LYRM4: variants seen among roughly 807,000 people sequenced by gnomAD.
LYRM4 encodes the protein LYR motif-containing protein 4.
Under a neutral mutation model 11.7 loss-of-function variants are expected in LYRM4, and 9 were observed. The observed-to-expected ratio is 0.77, with a 90% CI of 0.46 to 1.34. LYRM4 has a LOEUF of 1.34. LYRM4 is among the 40% of genes most tolerant of loss of function. The pLI is 0.00. For synonymous variants in LYRM4, 42 were observed against 40.4 expected (o/e 1.04, Z -0.15); for missense variants, 133 against 112.5 (o/e 1.18, Z -0.82).
At chr6:5,260,614 C>T (rs1164099261) in intron 1 of LYRM4, 34 bp downstream of exon 1, 1 of 1,467,234 alleles carries the variant, frequency 6.8e-7, no homozygotes, top group Non-Finnish European at 9.1e-7. Context: ...GCCCCTGGCC[C>T]CCCGCCCCCG....
At chr6:5,250,618 T>C (rs757299295) in intron 1 of LYRM4, among the ~76,000 whole-genome samples, 20 of 152,232 alleles carry the variant, frequency 1.3e-4, no homozygotes, top group Non-Finnish European at 2.4e-4. Context: ...ATGAATCACC[T>C]CTAGTTGCCT....
chr6:5,121,360 G>GGGTTT (rs1208180347), intron 2 of LYRM4, among the ~76,000 whole-genome samples: 2 of 152,130 alleles, frequency 1.3e-5, no homozygotes, highest in Non-Finnish European at 2.9e-5. Context: ...TTTTATGCGT[G>GGGTTT]ATTTCTATCT....
chr6:5,232,391 C>T (rs530956343), intron 1 of LYRM4, among the ~76,000 whole-genome samples: 24 of 152,328 alleles, frequency 1.6e-4, no homozygotes, highest in Non-Finnish European at 3.2e-4. Flanking sequence ...AATTTCTGGA[C>T]ACTTACAGAG....
At chr6:5,122,461 G>T (rs1037980316) in intron 2 of LYRM4, among the ~76,000 whole-genome samples, 1 of 152,114 alleles carries the variant, frequency 6.6e-6, no homozygotes, top group African/African-American at 2.4e-5. Flanking sequence ...AGTCATACTT[G>T]TTTTTTTCTT....
intron 2 of LYRM4, among the ~76,000 whole-genome samples, chr6:5,140,856 G>A (rs774193071): frequency 1.3e-5 from 2 of 152,194 alleles, no homozygotes; most frequent in Non-Finnish European, 2.9e-5. Flanking sequence ...TAGACTGTGA[G>A]CAGTACTGCC....
chr6:5,073,907 ACTGG>A, the LYRM4 span, among the ~76,000 whole-genome samples: 1 of 152,172 alleles, frequency 6.6e-6, no homozygotes, highest in East Asian at 1.9e-4. Flanking sequence ...TTCTTCTGCG[ACTGG>A]CTGGCCTTAT....
At chr6:5,190,462 T>G (rs1760687406) in intron 2 of LYRM4, among the ~76,000 whole-genome samples, 1 of 152,228 alleles carries the variant, frequency 6.6e-6, no homozygotes, top group African/African-American at 2.4e-5. Flanking sequence ...AATTAAATGA[T>G]ATTTATTTAA....
At chr6:5,256,491 G>GAAAA (rs1161084364) in intron 1 of LYRM4, among the ~76,000 whole-genome samples, 4 of 43,856 alleles carry the variant, frequency 9.1e-5, no homozygotes, top group African/African-American at 1.5e-4. Context: ...ATTTCAACTG[G>GAAAA]AAAAAAAAAA....
chr6:5,039,381 G>A, the LYRM4 span, among the ~76,000 whole-genome samples: 1 of 152,148 alleles, frequency 6.6e-6, no homozygotes, highest in Non-Finnish European at 1.5e-5. Flanking sequence ...CTGCTTTCAT[G>A]AAAGTTAAAT....
chr6:5,087,384 C>T, the LYRM4 span: 1 of 152,278 alleles, frequency 6.6e-6, no homozygotes, highest in Admixed American at 6.5e-5. Context: ...AGGGCCCAAA[C>T]TTCCCATGTG....
intron 2 of LYRM4, chr6:5,148,292 A>C (rs1757850796): frequency 6.5e-6 from 1 of 154,826 alleles, no homozygotes; most frequent in Admixed American, 6.5e-5. Context: ...GTGGGTACCG[A>C]GTCTCCATCA....
At chr6:5,124,893 G>A (rs1354585803) in intron 2 of LYRM4, among the ~76,000 whole-genome samples, 1 of 152,194 alleles carries the variant, frequency 6.6e-6, no homozygotes, top group Non-Finnish European at 1.5e-5. Context: ...TCCAGCACCA[G>A]CCACACTGGG....
chr6:5,086,278 G>C, the LYRM4 span: 1 of 1,535,582 alleles, frequency 6.5e-7, no homozygotes, highest in Non-Finnish European at 8.7e-7. Context: ...GGACGTGCCG[G>C]CTGAGCTGCA....
At chr6:5,247,963 G>T (rs1460740295) in intron 1 of LYRM4, among the ~76,000 whole-genome samples, 1 of 152,072 alleles carries the variant, frequency 6.6e-6, no homozygotes, top group Non-Finnish European at 1.5e-5. Context: ...AGAGAAATAA[G>T]CAGATATAGA....
chr6:5,152,468 T>C (rs1758143090), intron 2 of LYRM4, among the ~76,000 whole-genome samples: 1 of 151,998 alleles, frequency 6.6e-6, no homozygotes, highest in Admixed American at 6.6e-5. Context: ...CTGCCATCCT[T>C]CTAATATTTT....
chr6:5,189,811 G>T (rs577960625), intron 2 of LYRM4, among the ~76,000 whole-genome samples: 1 of 152,174 alleles, frequency 6.6e-6, no homozygotes, highest in Admixed American at 6.5e-5. Flanking sequence ...TCTATGAATC[G>T]AATCACTGTT....
intron 2 of LYRM4, among the ~76,000 whole-genome samples, chr6:5,170,464 G>C (rs950342995): frequency 1.3e-5 from 2 of 149,922 alleles, no homozygotes; most frequent in African/African-American, 5.0e-5. Flanking sequence ...TATCAAAAGA[G>C]CTTTCTCACT....
chr6:5,254,314 G>A (rs1416406721), intron 1 of LYRM4, among the ~76,000 whole-genome samples: 2 of 152,156 alleles, frequency 1.3e-5, no homozygotes, highest in Non-Finnish European at 2.9e-5. Context: ...TTTTTGTAGG[G>A]AAAACGCTTC....
chr6:5,221,479 G>A (rs1762579323), intron 1 of LYRM4, among the ~76,000 whole-genome samples: 2 of 152,246 alleles, frequency 1.3e-5, no homozygotes, highest in South Asian at 4.1e-4. Context: ...CGGATCACGA[G>A]GTCAGGAGTT....
Sources: allele counts gnomAD v4.1 joint callset (sites outside exome capture counted in the v4.1 genomes callset), GRCh38; gene constraint gnomAD v4.1.1; transcripts MANE v1.5; gene names NCBI Gene and HGNC (gene_info 2026-07-23, HGNC 2026-07-21).